The following UBXN7 variants were observed in gnomAD, a reference collection of about 807,000 sequenced individuals.
The protein encoded by UBXN7 is UBX domain-containing protein 7.
Under a neutral mutation model 58.0 loss-of-function variants are expected in UBXN7, and 9 were observed. The observed-to-expected ratio is 0.16, with a 90% CI of 0.09 to 0.27. The LOEUF (loss-of-function observed/expected upper bound fraction) is 0.27. UBXN7 is among the 10% of genes least tolerant of loss of function. UBXN7 has a pLI of 1.00. For missense variants in UBXN7, 328 were observed against 599.6 expected, an observed-to-expected ratio of 0.55 and a Z score of 4.73; for synonymous variants, 208 against 205.0, an observed-to-expected ratio of 1.01 and a Z score of -0.12.
intron 9 of UBXN7, 96 bp from the exon 10 acceptor site, chr3:196,362,019 A>G: frequency 8.1e-7 from 1 of 1,239,606 alleles, no homozygotes; most frequent in Non-Finnish European, 1.1e-6. Context: ...ACAGCCATTC[A>G]GCAATTACTC....
chr3:196,421,266 A>G (rs1022924005), intron 1 of UBXN7, among the ~76,000 whole-genome samples: 2 of 152,214 alleles, frequency 1.3e-5, no homozygotes, highest in African/African-American at 4.8e-5. Flanking sequence ...GCATGCGCCC[A>G]GGAGCCAAGA....
intron 1 of UBXN7, chr3:196,432,045 G>T: frequency 1.8e-6 from 1 of 567,012 alleles, no homozygotes; most frequent in Admixed American, 2.9e-5. Context: ...CGGCGGGGGC[G>T]GACGGACTCG....
At chr3:196,411,838 T>C (rs949027203) in intron 1 of UBXN7, among the ~76,000 whole-genome samples, 1 of 151,920 alleles carries the variant, frequency 6.6e-6, no homozygotes, top group Non-Finnish European at 1.5e-5. Flanking sequence ...GCAGATGACA[T>C]GGAGTAGCTA....
rs1659773491 is a variant in UBXN7, at chr3:196,348,674, C to G, written c.*8011G>C. 2.0e-5 allele frequency: 3 copies of G among 152,176 alleles called. No individual in the cohort carries two copies. Among genetic ancestry groups the G allele is most frequent in the Admixed American group, 6.6e-5 (1 of 15,266 alleles). 9.4% of individuals were successfully genotyped at this position (152,176 alleles called of 1,614,324 possible). ...ACCCACCCTCATCATCCCTATCCCC[C>G]TAGAAATTTCATTCCTTGATTAACT... On this transcript the variant is annotated 3_prime_UTR_variant, in exon 11 of 11. Transcript: ENST00000296328.
chr3:196,392,963 T>C (rs1031947044), intron 4 of UBXN7, among the ~76,000 whole-genome samples: 4 of 152,344 alleles, frequency 2.6e-5, no homozygotes, highest in Non-Finnish European at 4.4e-5. Flanking sequence ...TGTGCCTCAA[T>C]GAACTCATTC....
At chr3:196,396,925 C>G (rs1461920436) in intron 3 of UBXN7, among the ~76,000 whole-genome samples, 1 of 152,156 alleles carries the variant, frequency 6.6e-6, no homozygotes, top group African/African-American at 2.4e-5. Flanking sequence ...CCAACCTCCC[C>G]CTTCTCTATA....
chr3:196,415,886 T>C (rs867207118), intron 1 of UBXN7, among the ~76,000 whole-genome samples: 3 of 152,192 alleles, frequency 2.0e-5, no homozygotes, highest in Admixed American at 6.5e-5. Context: ...CTGCTTGTTC[T>C]AGCAGAGATG....
intron 3 of UBXN7, among the ~76,000 whole-genome samples, chr3:196,394,149 G>A (rs1459341079): frequency 3.3e-5 from 5 of 152,042 alleles, no homozygotes; most frequent in South Asian, 2.1e-4. Context: ...TTAGCCAGGC[G>A]TGATGGTGCA....
chr3:196,389,579 CT>C (rs1729514750), intron 5 of UBXN7, among the ~76,000 whole-genome samples: 1 of 152,306 alleles, frequency 6.6e-6, no homozygotes, highest in South Asian at 2.1e-4. Context: ...GGGCAGACCC[CT>C]AGTGAATGGC....
chr3:196,365,868 T>C (rs1728650481), intron 8 of UBXN7, among the ~76,000 whole-genome samples: 1 of 152,180 alleles, frequency 6.6e-6, no homozygotes, highest in South Asian at 2.1e-4. Flanking sequence ...TAGGCCCATG[T>C]AGCTTCACTG....
chr3:196,410,470 C>T (rs1302389884), intron 1 of UBXN7, among the ~76,000 whole-genome samples: 2 of 152,156 alleles, frequency 1.3e-5, no homozygotes, highest in Non-Finnish European at 2.9e-5. Flanking sequence ...CATTTTCTAC[C>T]TTGCTGCAGA....
chr3:196,429,688 T>G (rs940963297), intron 1 of UBXN7, among the ~76,000 whole-genome samples: 5 of 152,134 alleles, frequency 3.3e-5, no homozygotes, highest in Admixed American at 2.0e-4. Context: ...CCAAAAAAAT[T>G]TTAAGACATG....
intron 1 of UBXN7, among the ~76,000 whole-genome samples, chr3:196,414,186 T>C (rs376206812): frequency 5.3e-5 from 8 of 152,292 alleles, no homozygotes; most frequent in African/African-American, 1.9e-4. Flanking sequence ...GGTTTCACCA[T>C]GTTGGCCAGG....
At chr3:196,383,867 C>A (rs1007854074) in intron 5 of UBXN7, among the ~76,000 whole-genome samples, 1 of 152,114 alleles carries the variant, frequency 6.6e-6, no homozygotes, top group African/African-American at 2.4e-5. Flanking sequence ...AAAATTGACA[C>A]CCTAACATCA....
chr3:196,388,471 T>C (rs1461693251), intron 5 of UBXN7, among the ~76,000 whole-genome samples: 2 of 131,348 alleles, frequency 1.5e-5, no homozygotes, highest in African/African-American at 5.1e-5. Flanking sequence ...AAGCTACTGT[T>C]TGTTTTTTTT....
intron 3 of UBXN7, among the ~76,000 whole-genome samples, chr3:196,401,789 A>G (rs1240798990): frequency 4.8e-5 from 7 of 147,244 alleles, no homozygotes; most frequent in Non-Finnish European, 8.9e-5. Context: ...AAAAAAAAAA[A>G]GTAAAGAAAG....
At chr3:196,379,766 T>A (rs1729143684) in intron 5 of UBXN7, among the ~76,000 whole-genome samples, 1 of 152,116 alleles carries the variant, frequency 6.6e-6, no homozygotes, top group South Asian at 2.1e-4. Flanking sequence ...CTTCTGTGAT[T>A]CGCCAGAAAG....
chr3:196,421,702 G>A (rs564154620), intron 1 of UBXN7, among the ~76,000 whole-genome samples: 2 of 150,994 alleles, frequency 1.3e-5, no homozygotes, highest in South Asian at 4.2e-4. Flanking sequence ...GCTTGAAACT[G>A]GGAGGTGGAG....
intron 1 of UBXN7, chr3:196,416,267 C>T (rs903874913): frequency 3.9e-5 from 6 of 152,096 alleles, no homozygotes; most frequent in African/African-American, 1.2e-4. Flanking sequence ...TGGTGGAACT[C>T]CATCTCTACA....
Sources: allele counts gnomAD v4.1 joint callset (sites outside exome capture counted in the v4.1 genomes callset), GRCh38; gene constraint gnomAD v4.1.1; transcripts MANE v1.5; gene names NCBI Gene and HGNC (gene_info 2026-07-23, HGNC 2026-07-21).